Variants in DAAM2 observed in about 807,000 individuals in gnomAD.
DAAM2 encodes disheveled-associated activator of morphogenesis 2.
DAAM2 carries 39 observed loss-of-function variants against 120.7 expected under a neutral mutation model. That is an observed-to-expected ratio of 0.32 (90% CI 0.25 to 0.42). DAAM2 has a LOEUF of 0.42. Ranked by LOEUF, DAAM2 falls within the 10% of genes least tolerant of loss-of-function variation. The pLI is 1.00. For missense variants in DAAM2, 1,283 were observed against 1,401.7 expected (o/e 0.92, Z 1.35); for synonymous variants, 488 against 524.9 (o/e 0.93, Z 0.96).
At chr6:39,869,420 A>G (rs1201144109) in intron 7 of DAAM2, among the ~76,000 whole-genome samples, 1 of 152,086 alleles carries the variant, frequency 6.6e-6, no homozygotes, top group Non-Finnish European at 1.5e-5. Flanking sequence ...CCCCGTCTCC[A>G]CTAAAAAAAT....
chr6:39,894,251 T>C (rs1010331159), intron 19 of DAAM2, among the ~76,000 whole-genome samples: 3 of 152,242 alleles, frequency 2.0e-5, no homozygotes, highest in African/African-American at 7.2e-5. Flanking sequence ...ATTTTCTGTT[T>C]TGCCAACATT....
At chr6:39,859,375 AG>A (rs1055592025) in intron 2 of DAAM2, among the ~76,000 whole-genome samples, 43 of 152,346 alleles carry the variant, frequency 2.8e-4, no homozygotes, top group Middle Eastern at 3.4e-3. Flanking sequence ...AACCTCAAAC[AG>A]GGTTCTGGGA....
intron 11 of DAAM2, among the ~76,000 whole-genome samples, chr6:39,877,100 C>G (rs1451273737): frequency 6.6e-6 from 1 of 152,198 alleles, no homozygotes; most frequent in Non-Finnish European, 1.5e-5. Flanking sequence ...TCCCTGGTTC[C>G]CTGGCAGTCC....
At chr6:39,875,239 C>T (rs1053209323) in intron 10 of DAAM2, 91 bp from the exon 11 acceptor site, 103 of 1,442,662 alleles carry the variant, frequency 7.1e-5, no homozygotes, top group Non-Finnish European at 9.4e-5. Context: ...AAGGGCATGC[C>T]TCACCAGCCA....
chr6:39,878,200 C>G lies in DAAM2; in HGVS notation c.1302-3C>G. The G allele has an allele frequency of 6.2e-7, 1 of 1,613,962 alleles. No individual in the cohort carries two copies. The highest frequency in any genetic ancestry group is 8.5e-7 in the Non-Finnish European group (1 of 1,179,850). ...ATTGCCCCTTCCCTCTATGCCCTGC[C>G]AGGCTCATCAACGAGAATGAAGTGA... On this transcript the variant is annotated splice_region_variant and splice_polypyrimidine_tract_variant and intron_variant, in intron 11 of 24. Transcript: ENST00000274867. This position sits in a 1 kb window ranked among gnomAD's most constrained non-coding sequence, Gnocchi z 5.0.
chr6:39,847,655 G>A (rs185889176), intron 1 of DAAM2, among the ~76,000 whole-genome samples: 7 of 151,978 alleles, frequency 4.6e-5, no homozygotes, highest in South Asian at 2.1e-4. Flanking sequence ...CTCACGTGCC[G>A]GCACCCCTCC....
chr6:39,893,540 TAGTC>T (rs1396375687), intron 19 of DAAM2, among the ~76,000 whole-genome samples: 2 of 151,890 alleles, frequency 1.3e-5, no homozygotes, highest in East Asian at 3.9e-4. Context: ...AAAAAAGAAT[TAGTC>T]AGTGGATATT....
At chr6:39,826,870 C>A (rs1351949658) in intron 1 of DAAM2, among the ~76,000 whole-genome samples, 2 of 152,066 alleles carry the variant, frequency 1.3e-5, no homozygotes, top group Admixed American at 1.3e-4. Context: ...TTTCTAAGTA[C>A]CCTTCAAGCT....
At chr6:39,899,023 G>A in intron 22 of DAAM2, 86 bp downstream of exon 22, 3 of 831,122 alleles carry the variant, frequency 3.6e-6, no homozygotes, top group Non-Finnish European at 5.3e-6. Context: ...CTACACAGGG[G>A]CAAAAAACAA....
chr6:39,801,412 G>T (rs1761858855), intron 1 of DAAM2, among the ~76,000 whole-genome samples: 1 of 152,048 alleles, frequency 6.6e-6, no homozygotes, highest in South Asian at 2.1e-4. Flanking sequence ...ATAATGAGAT[G>T]GCCTTGTTGC....
chr6:39,842,986 C>T (rs1048943439), intron 1 of DAAM2, among the ~76,000 whole-genome samples: 2 of 152,026 alleles, frequency 1.3e-5, no homozygotes, highest in African/African-American at 2.4e-5. Flanking sequence ...GTAGAAGCTT[C>T]GTGTATGCTT....
chr6:39,854,948 T>G (rs985063159), intron 1 of DAAM2, among the ~76,000 whole-genome samples: 4 of 152,214 alleles, frequency 2.6e-5, no homozygotes. Context: ...GTGGTCAACA[T>G]TTTTAGCAAA....
chr6:39,841,643 G>A (rs930991093), intron 1 of DAAM2, among the ~76,000 whole-genome samples: 4 of 152,106 alleles, frequency 2.6e-5, no homozygotes, highest in Non-Finnish European at 5.9e-5. Flanking sequence ...CCAGGATGAG[G>A]TGGGTAAGTG....
At chr6:39,852,675 C>T (rs535937721) in intron 1 of DAAM2, among the ~76,000 whole-genome samples, 75 of 152,308 alleles carry the variant, frequency 4.9e-4, no homozygotes, top group Admixed American at 4.0e-3. Flanking sequence ...TGAAACCCAG[C>T]GAGGAAGACC....
intron 1 of DAAM2, 69 bp from the exon 2 acceptor site, chr6:39,856,178 C>A: frequency 7.7e-7 from 1 of 1,292,842 alleles, no homozygotes; most frequent in Non-Finnish European, 9.8e-7. Context: ...GTTATGAAGG[C>A]AGAGTGACCT....
rs1766672312 is a variant in DAAM2, at chr6:39,904,383, A to AGAAG, written c.*2348_*2351dup. On this transcript the variant is annotated 3_prime_UTR_variant, in exon 25 of 25. Transcript: ENST00000274867. ...CCATGGACTCATACTCAACTGAGTA[A>AGAAG]GAAGGGGCTGGTGCCCAGTCGGGGT... 2 of 456,444 alleles carry AGAAG rather than the reference A, an allele frequency of 4.4e-6. No individual in the cohort carries two copies. Among genetic ancestry groups the AGAAG allele is most frequent in the Non-Finnish European group, 8.8e-6 (2 of 226,978 alleles). 28.3% of individuals were successfully genotyped at this position (456,444 alleles called of 1,614,324 possible). A position where few individuals can be genotyped will look rare whatever the true frequency, so the allele number is the denominator to read the frequency against.
At chr6:39,826,914 G>A (rs1762694399) in intron 1 of DAAM2, among the ~76,000 whole-genome samples, 1 of 152,198 alleles carries the variant, frequency 6.6e-6, no homozygotes, top group African/African-American at 2.4e-5. Context: ...GAAATCAGGA[G>A]AAGTTGGGAA....
At chr6:39,826,520 G>A (rs1043393942) in intron 1 of DAAM2, among the ~76,000 whole-genome samples, 1 of 152,042 alleles carries the variant, frequency 6.6e-6, no homozygotes, top group Non-Finnish European at 1.5e-5. Flanking sequence ...TCAGGTGATC[G>A]GTTGTGTAGC....
intron 10 of DAAM2, 103 bp from the exon 11 acceptor site, chr6:39,875,227 A>G: frequency 1.6e-6 from 2 of 1,281,538 alleles, no homozygotes. Flanking sequence ...CCATAGGTGG[A>G]GAAGGGCATG....
Sources: gnomAD v4.1 joint callset for allele counts (sites outside exome capture counted in the v4.1 genomes callset) on GRCh38, gnomAD v4.1.1 for gene constraint, Gnocchi (gnomAD v3.1) non-coding constraint, MANE v1.5 for transcripts, NCBI Gene and HGNC (gene_info 2026-07-23, HGNC 2026-07-21) for gene names.